ATOH8: variants seen among roughly 807,000 people sequenced by gnomAD.
ATOH8 encodes atonal bHLH transcription factor 8.
A neutral mutation model predicts 21.2 loss-of-function variants in ATOH8; 9 were observed. The ratio of observed to expected loss-of-function variants is 0.42; its 90% CI spans 0.26 to 0.74. The LOEUF (loss-of-function observed/expected upper bound fraction) is 0.74, where lower values mean the gene tolerates loss of function less well. Among genes scored for constraint, ATOH8 ranks in the 30% least tolerant of loss-of-function variants. The probability of loss-of-function intolerance (pLI) is 0.24; values close to 1 mark genes in which losing one functional copy is unlikely to be tolerated. For synonymous variants in ATOH8, 253 were observed against 224.0 expected, an observed-to-expected ratio of 1.13 and a Z score of -1.16; for missense variants, 524 against 470.9, an observed-to-expected ratio of 1.11 and a Z score of -1.04.
At position 85,787,095 on chromosome 2, in the gene ATOH8, A is replaced by T; in HGVS notation, c.*205A>T. 1.6e-6 allele frequency: 1 copy of T among 620,392 alleles called. No homozygotes were observed. The highest frequency in any genetic ancestry group is 2.8e-6 in the Non-Finnish European group (1 of 361,020). 38.4% of individuals were successfully genotyped at this position (620,392 alleles called of 1,614,324 possible). On this transcript the variant is annotated 3_prime_UTR_variant, in exon 3 of 3. Coordinates refer to ENST00000306279, the MANE Select transcript of ATOH8 (RefSeq NM_032827.7). ...CCCAGCCAATCCGAGGCTGCTTCGC[A>T]CTTTGCCCTCTGCCTGGTGGGGAGG...
At chr2:85,768,367 G>A (rs1489680250) in intron 2 of ATOH8, among the ~76,000 whole-genome samples, 2 of 152,172 alleles carry the variant, frequency 1.3e-5, no homozygotes, top group Non-Finnish European at 2.9e-5. Context: ...TTGCATGTTA[G>A]CTGGGGTTTA....
Position 85,755,066 on chromosome 2 carries a change from G to A in ATOH8, c.768+109G>A. On this transcript the variant is annotated intron_variant, in intron 1 of 2. Coordinates refer to ENST00000306279, the MANE Select transcript of ATOH8 (RefSeq NM_032827.7). ...GTGTGTTTAAGGGGCAAGCTGCCCCGCCCGGTCCGACCCTGGTGCCCAGAC... is the reference window on the plus strand; with the variant it reads ...GTGTGTTTAAGGGGCAAGCTGCCCCACCCGGTCCGACCCTGGTGCCCAGAC... The A allele has an allele frequency of 2.2e-6, 3 of 1,389,224 alleles. No individual in the cohort carries two copies. In the South Asian group the frequency reaches 4.5e-5, roughly 21 times the overall value. The allele number at this position is 1,389,224 out of a possible 1,614,324, so 86.1% of individuals were successfully genotyped here.
intron 1 of ATOH8, chr2:85,760,723 A>C (rs1679845835): frequency 6.6e-6 from 1 of 152,264 alleles, no homozygotes; most frequent in African/African-American, 2.4e-5. Context: ...AGATCGTAAT[A>C]ACTGCAAGGT....
rs545278570 is a variant in ATOH8 at position 85,789,663 on chromosome 2, C to T, written c.*2773C>T. Among the ~76,000 whole-genome samples, 12 of 152,270 alleles carry T rather than the reference C, an allele frequency of 7.9e-5. No individual in the cohort carries two copies. In the East Asian group the frequency reaches 2.1e-3, roughly 27 times the overall value. ...ATGCCCAATTTCATCTCCAGAAATT[C>T]TGATGTATTGGTCTAGGGTGTTGCC... is the stretch of plus-strand genomic sequence containing the variant. On this transcript the variant is annotated 3_prime_UTR_variant, in exon 3 of 3. Transcript: ENST00000306279.
rs150199975 is a variant in ATOH8, at chr2:85,775,325, A to G, written c.960+11143A>G. The G allele has an allele frequency of 7.8e-4, 763 of 977,282 alleles. 2 individuals are homozygous for G. In the African/African-American group the frequency reaches 0.013, roughly 16 times the overall value. The allele number at this position is 977,282 out of a possible 1,614,324, so 60.5% of individuals were successfully genotyped here. A position where few individuals can be genotyped will look rare whatever the true frequency, so the allele number is the denominator to read the frequency against. On this transcript the variant is annotated intron_variant, in intron 2 of 2. Transcript: ENST00000306279. ...CACACTGCTAGGGCTGAATGTCCCT[A>G]TGCTGATGGCAAGGGACATTCCCTT...
chr2:85,758,108 G>A (rs1469410094), intron 1 of ATOH8, among the ~76,000 whole-genome samples: 1 of 152,140 alleles, frequency 6.6e-6, no homozygotes, highest in Non-Finnish European at 1.5e-5. Context: ...CATTTCTTAA[G>A]CATCTCCAAG....
chr2:85,776,268 C>CT (rs1227980445), intron 2 of ATOH8, among the ~76,000 whole-genome samples: 1 of 152,214 alleles, frequency 6.6e-6, no homozygotes, highest in African/African-American at 2.4e-5. Flanking sequence ...CAGGGGTTGC[C>CT]TGGCGGCTTG....
chr2:85,778,479 G>A (rs756417795), intron 2 of ATOH8, among the ~76,000 whole-genome samples: 5 of 152,160 alleles, frequency 3.3e-5, no homozygotes, highest in Non-Finnish European at 5.9e-5. Flanking sequence ...TGCATGGAAC[G>A]CACACTGTTT....
In ATOH8 at chr2:85,754,554, C is replaced by T; in HGVS notation, c.365C>T (p.Pro122Leu). The T allele has an allele frequency of 6.9e-7, 1 of 1,439,320 alleles. No homozygotes were observed. 89.2% of individuals were successfully genotyped at this position (1,439,320 alleles called of 1,614,324 possible). ...FALGAVGPGL[P>L]TPPPPPPPAP... ...CTAGGCGCAGTGGGGCCAGGACTCC[C>T]CACGCCGCCGCCGCCGCCGCCTCCT... The change falls in exon 1 of 3, where the codon CCC (proline) becomes CTC (leucine). Residue 122 changes from proline to leucine, a missense_variant. Transcript: ENST00000306279.
intron 1 of ATOH8, among the ~76,000 whole-genome samples, chr2:85,759,228 A>G (rs951525655): frequency 7.9e-5 from 12 of 152,296 alleles, no homozygotes; most frequent in African/African-American, 1.9e-4. Flanking sequence ...CAAGGAGGGC[A>G]TAGGGAGTGC....
chr2:85,756,637 A>G (rs997051884), intron 1 of ATOH8, among the ~76,000 whole-genome samples: 16 of 152,086 alleles, frequency 1.1e-4, no homozygotes, highest in African/African-American at 3.9e-4. Flanking sequence ...AATCAATTCC[A>G]TCTCATTTGA....
At chr2:85,778,323 CGT>C (rs1193447472) in intron 2 of ATOH8, among the ~76,000 whole-genome samples, 2 of 151,992 alleles carry the variant, frequency 1.3e-5, no homozygotes, top group Non-Finnish European at 2.9e-5. Flanking sequence ...TGTGCGCGCG[CGT>C]GTGTGGCAGT....
chr2:85,754,171 C>G lies in ATOH8; in HGVS notation c.-19C>G. The G allele has an allele frequency of 1.9e-6, 3 of 1,542,890 alleles. No homozygotes were observed. Among genetic ancestry groups the G allele is most frequent in the South Asian group, 1.2e-5 (1 of 83,034 alleles). ...GGCCCGGGCAGCCCCACGCCCCTGC[C>G]TCGCGCGCCGCCCGCGCCATGAAGC... On this transcript the variant is annotated 5_prime_UTR_variant, in exon 1 of 3. Transcript: ENST00000306279.
At chr2:85,784,061 A>G (rs1680565654) in intron 2 of ATOH8, among the ~76,000 whole-genome samples, 1 of 152,164 alleles carries the variant, frequency 6.6e-6, no homozygotes. Flanking sequence ...AGTGGCTGTT[A>G]TTAGCAGGCG....
At chr2:85,760,489 C>T (rs1361269638) in intron 1 of ATOH8, among the ~76,000 whole-genome samples, 1 of 152,150 alleles carries the variant, frequency 6.6e-6, no homozygotes, top group East Asian at 1.9e-4. Context: ...ACTATAGACA[C>T]TTATTCAGAT....
At chr2:85,774,248 G>A (rs1680267434) in intron 2 of ATOH8, 1 of 985,634 alleles carries the variant, frequency 1.0e-6, no homozygotes, top group African/African-American at 1.7e-5. Flanking sequence ...CTAGTGACCA[G>A]AAATTGCTTT....
At chr2:85,758,963 T>C (rs1679789452) in intron 1 of ATOH8, among the ~76,000 whole-genome samples, 1 of 152,164 alleles carries the variant, frequency 6.6e-6, no homozygotes, top group Admixed American at 6.5e-5. Context: ...GTGGTGTGCG[T>C]GTGGATTTCC....
chr2:85,786,744 C>T (rs950877801), intron 2 of ATOH8, 141 bp from the exon 3 acceptor site: 4 of 1,091,234 alleles, frequency 3.7e-6, no homozygotes, highest in Non-Finnish European at 5.5e-6. Context: ...GGGTTTGAAT[C>T]CTGGCTCTTC....
At chr2:85,765,620 C>G (rs913347479) in intron 2 of ATOH8, among the ~76,000 whole-genome samples, 1 of 152,212 alleles carries the variant, frequency 6.6e-6, no homozygotes, top group African/African-American at 2.4e-5. Flanking sequence ...TGAACTTCCC[C>G]TGGCATTCAG....
Sources: allele counts gnomAD v4.1 joint callset (sites outside exome capture counted in the v4.1 genomes callset), GRCh38; gene constraint gnomAD v4.1.1; transcripts MANE v1.5; gene names NCBI Gene and HGNC (gene_info 2026-07-23, HGNC 2026-07-21).